The following TMEM117 variants were observed in gnomAD, a reference collection of about 807,000 sequenced individuals.
The protein encoded by TMEM117 is transmembrane protein 117.
TMEM117 carries 27 observed loss-of-function variants against 52.4 expected under a neutral mutation model. The ratio of observed to expected loss-of-function variants is 0.51; its 90% confidence interval spans 0.38 to 0.71. The LOEUF (loss-of-function observed/expected upper bound fraction) is 0.71, where lower values mean the gene tolerates loss of function less well. Ranked by LOEUF, TMEM117 falls within the 30% of genes least tolerant of loss-of-function variation. TMEM117 has a pLI of 0.00. For missense variants in TMEM117, 556 were observed against 630.5 expected (o/e 0.88, Z 1.26); for synonymous variants, 215 against 206.3 (o/e 1.04, Z -0.36).
chr12:43,870,095 T>C (rs1363562899), intron 2 of TMEM117, among the ~76,000 whole-genome samples: 2 of 152,194 alleles, frequency 1.3e-5, no homozygotes, highest in African/African-American at 4.8e-5. Flanking sequence ...ACAAAGGACA[T>C]GATCTCATTC....
intron 3 of TMEM117, among the ~76,000 whole-genome samples, chr12:44,134,434 A>G (rs565154123): frequency 6.6e-6 from 1 of 152,302 alleles, no homozygotes; most frequent in Non-Finnish European, 1.5e-5. Flanking sequence ...GGCTTAACAG[A>G]TTGGTCTTAA....
intron 6 of TMEM117, among the ~76,000 whole-genome samples, chr12:44,374,553 C>T (rs529488239): frequency 6.6e-6 from 1 of 151,608 alleles, no homozygotes; most frequent in Non-Finnish European, 1.5e-5. Context: ...TTTCCTTTAC[C>T]CTTCATTTCC....
At chr12:43,864,081 C>T (rs1943539039) in intron 2 of TMEM117, among the ~76,000 whole-genome samples, 1 of 152,220 alleles carries the variant, frequency 6.6e-6, no homozygotes, top group Admixed American at 6.5e-5. Flanking sequence ...GCAGTGCTGG[C>T]CCACCAGCGC....
chr12:44,188,599 G>GT (rs979535061), intron 4 of TMEM117, among the ~76,000 whole-genome samples: 2 of 151,972 alleles, frequency 1.3e-5, no homozygotes, highest in Non-Finnish European at 2.9e-5. Flanking sequence ...CTACTGCTCT[G>GT]TTTTTTGTAT....
intron 5 of TMEM117, among the ~76,000 whole-genome samples, chr12:44,246,535 A>G (rs1447486165): frequency 1.3e-5 from 2 of 152,206 alleles, no homozygotes; most frequent in Non-Finnish European, 2.9e-5. Context: ...TAGTGTCATC[A>G]TTTAGACATG....
upstream of TMEM117, among the ~76,000 whole-genome samples, chr12:43,831,838 C>A (rs1316950907): frequency 6.6e-6 from 1 of 152,022 alleles, no homozygotes; most frequent in African/African-American, 2.4e-5. Context: ...CCACCGTGCC[C>A]GGCCTTACTT....
intron 5 of TMEM117, among the ~76,000 whole-genome samples, chr12:44,240,913 T>A (rs1242282275): frequency 6.6e-6 from 1 of 152,044 alleles, no homozygotes; most frequent in Non-Finnish European, 1.5e-5. Flanking sequence ...TTAATTTTGA[T>A]AGGTGTTGAC....
chr12:44,088,702 C>T (rs1472976893), intron 3 of TMEM117, among the ~76,000 whole-genome samples: 1 of 152,130 alleles, frequency 6.6e-6, no homozygotes, highest in Non-Finnish European at 1.5e-5. Flanking sequence ...TTAGGTAGTT[C>T]TGGGAATACA....
At chr12:44,027,876 C>T (rs1946569339) in intron 3 of TMEM117, among the ~76,000 whole-genome samples, 1 of 152,168 alleles carries the variant, frequency 6.6e-6, no homozygotes, top group Non-Finnish European at 1.5e-5. Context: ...CTTAAGTTTT[C>T]TGTATTTGAA....
chr12:44,313,568 T>G (rs1167875105), intron 6 of TMEM117, among the ~76,000 whole-genome samples: 3 of 152,250 alleles, frequency 2.0e-5, no homozygotes, highest in Non-Finnish European at 4.4e-5. Context: ...TTCTTTTTGC[T>G]TAGCATTGCT....
intron 6 of TMEM117, among the ~76,000 whole-genome samples, chr12:44,353,329 G>T (rs61933056): frequency 0.013 from 1,915 of 151,910 alleles, 18 homozygotes; most frequent in African/African-American, 0.025. Flanking sequence ...TTTTGTCTTT[G>T]GTTGCCATTG....
chr12:43,857,313 C>CTTTTTTTTTTTTT, intron 2 of TMEM117, among the ~76,000 whole-genome samples: 1 of 148,144 alleles, frequency 6.8e-6, no homozygotes, highest in Non-Finnish European at 1.5e-5. Context: ...TTTCTAGGTA[C>CTTTTTTTTTTTTT]TTTTTTTTTT....
intron 3 of TMEM117, among the ~76,000 whole-genome samples, chr12:44,078,836 T>A (rs576780633): frequency 2.6e-5 from 4 of 151,954 alleles, no homozygotes; most frequent in Non-Finnish European, 5.9e-5. Flanking sequence ...ATTAGGTATT[T>A]CTTCTAATGC....
At chr12:44,156,395 G>C (rs1044985368) in intron 4 of TMEM117, among the ~76,000 whole-genome samples, 9 of 152,018 alleles carry the variant, frequency 5.9e-5, no homozygotes, top group African/African-American at 1.2e-4. Context: ...GTTTAGTTGG[G>C]TGCTCTAATC....
chr12:44,236,748 G>A (rs981020443), intron 5 of TMEM117, among the ~76,000 whole-genome samples: 1 of 152,028 alleles, frequency 6.6e-6, no homozygotes, highest in Non-Finnish European at 1.5e-5. Context: ...CTTTTTCAGA[G>A]TAGGTTTTTG....
At chr12:44,084,640 G>A (rs1352714669) in intron 3 of TMEM117, among the ~76,000 whole-genome samples, 2 of 152,108 alleles carry the variant, frequency 1.3e-5, no homozygotes, top group Admixed American at 1.3e-4. Context: ...TCTACCTGGT[G>A]AGGTGGCTTG....
At chr12:44,221,911 C>G (rs1449413677) in intron 5 of TMEM117, among the ~76,000 whole-genome samples, 2 of 152,082 alleles carry the variant, frequency 1.3e-5, no homozygotes, top group Admixed American at 1.3e-4. Flanking sequence ...GTTGGCCAGG[C>G]TGGTCTCGAA....
chr12:44,063,200 A>C (rs1210469442), intron 3 of TMEM117, among the ~76,000 whole-genome samples: 1 of 152,220 alleles, frequency 6.6e-6, no homozygotes, highest in African/African-American at 2.4e-5. Flanking sequence ...AAGACTGTAT[A>C]TGCGTATTTC....
At chr12:44,206,753 T>C (rs1949572743) in intron 4 of TMEM117, among the ~76,000 whole-genome samples, 1 of 152,090 alleles carries the variant, frequency 6.6e-6, no homozygotes, top group Admixed American at 6.6e-5. Flanking sequence ...ATAAGTGGCA[T>C]CTAAACATTG....
Sources: allele counts gnomAD v4.1 joint callset (sites outside exome capture counted in the v4.1 genomes callset), GRCh38; gene constraint gnomAD v4.1.1; transcripts MANE v1.5; gene names NCBI Gene and HGNC (gene_info 2026-07-23, HGNC 2026-07-21).